The following MAP1A variants were observed in gnomAD, a reference collection of about 807,000 sequenced individuals.
The protein encoded by MAP1A is microtubule associated protein 1A, also known as microtubule-associated protein 1A.
MAP1A carries 42 observed loss-of-function variants against 185.9 expected under a neutral mutation model. The ratio of observed to expected loss-of-function variants is 0.23; its 90% CI spans 0.18 to 0.29. The LOEUF is 0.29. MAP1A is among the 10% of genes least tolerant of loss of function. MAP1A has a pLI of 1.00. For synonymous variants in MAP1A, 1,229 were observed against 1,335.9 expected (o/e 0.92, Z 1.74); for missense variants, 2,995 against 3,450.4 (o/e 0.87, Z 3.31).
In MAP1A at chr15:43,523,202, C is replaced by T. The variant is rs2079327091; in HGVS notation, c.1729C>T (p.Pro577Ser). 1.2e-6 allele frequency: 2 copies of T among 1,614,130 alleles called. No homozygotes were observed. The highest frequency in any genetic ancestry group is 1.7e-6 in the Non-Finnish European group (2 of 1,180,016). Residue 577 changes from proline (P) to serine (S), a missense_variant, in exon 4 of 6, where the codon CCA becomes TCA. By Grantham distance (74) the Pro-to-Ser change is moderately conservative (BLOSUM62 -1). Transcript: ENST00000300231. The stretch of plus-strand genomic sequence containing the variant: ...CCCAAGTACAGCTATCCAGGGAACA[C>T]CACCCTCTGTTCCAGGGCTGGGACA... Reference protein sequence around the residue: ...GPPSTAIQGTPPSVPGLGQEE... With the variant: ...GPPSTAIQGTSPSVPGLGQEE...
chr15:43,520,657 C>T lies in MAP1A; in HGVS notation c.-358C>T. 6.5e-7 allele frequency: 1 copy of T among 1,548,188 alleles called. No individual in the cohort carries two copies. The highest frequency in any genetic ancestry group is 2.4e-5 in the East Asian group (1 of 40,906). On this transcript the variant is annotated 5_prime_UTR_variant, in exon 2 of 6. Coordinates refer to ENST00000300231, the MANE Select transcript of MAP1A (RefSeq NM_002373.6). ...CTCCCTCAGGCCAGAGGACCCTTTG[C>T]CACCAGAGTGAGATCCTAGAGACCA...
At position 43,527,606 on chromosome 15, in the gene MAP1A, C is replaced by A. The variant is rs751094290; in HGVS notation, c.6133C>A (p.Pro2045Thr). 2.5e-6 allele frequency: 4 copies of A among 1,614,098 alleles called. No individual in the cohort carries two copies. Among genetic ancestry groups the A allele is most frequent in the Non-Finnish European group, 3.4e-6 (4 of 1,180,002 alleles). Residue 2045 changes from proline (P) to threonine (T), a missense_variant, in exon 4 of 6, where the codon CCA (proline) becomes ACA (threonine). This residue lies in a region of MAP1A where 2,728 missense variants were observed against 2,986.0 expected (regional missense o/e 0.91). Coordinates refer to ENST00000300231, the MANE Select transcript of MAP1A (RefSeq NM_002373.6). Reference protein sequence around the residue: ...YAALAGPTVPPRPEPGPSMEP... With the variant: ...YAALAGPTVPTRPEPGPSMEP... ...AGCCCTGGCAGGACCCACTGTACCC[C>A]CAAGGCCAGAGCCAGGGCCAAGTAT...
chr15:43,516,722 AATCACCC>A (rs1354136550), upstream of MAP1A, among the ~76,000 whole-genome samples: 1 of 152,234 alleles, frequency 6.6e-6, no homozygotes, highest in African/African-American at 2.4e-5. Flanking sequence ...GCAAGAACCC[AATCACCC>A]TACAAAGTCA....
chr15:43,514,052 G>A (rs545856041), upstream of MAP1A, among the ~76,000 whole-genome samples: 8 of 152,178 alleles, frequency 5.3e-5, no homozygotes, highest in Admixed American at 5.2e-4. Flanking sequence ...AAGATGCAGC[G>A]ATACTTGGGA....
At position 43,528,749 on chromosome 15, in the gene MAP1A, G is replaced by A. The variant is rs1367172575; in HGVS notation, c.7276G>A (p.Ala2426Thr). 6.2e-7 allele frequency: 1 copy of A among 1,613,336 alleles called. No homozygotes were observed. ...AGGSGGPPSS[A>T]SPEVEAGPQG... The stretch of plus-strand genomic sequence containing the variant: ...GGGCTCCGGGGGCCCACCCAGCAGT[G>A]CCTCTCCTGAGGTCGAAGCTGGGCC... Residue 2426 changes from alanine (A) to threonine (T), a missense_variant, in exon 4 of 6, where the codon GCC (alanine) becomes ACC (threonine). Ala to Thr is a moderately conservative substitution (Grantham distance 58). Transcript: ENST00000300231.
At position 43,521,851 on chromosome 15, in the gene MAP1A, C is replaced by T. The variant is rs759682578; in HGVS notation, c.378C>T (p.Asn126=). The T allele has an allele frequency of 1.2e-6, 2 of 1,614,100 alleles. No homozygotes were observed. Among genetic ancestry groups the T allele is most frequent in the African/African-American group, 1.3e-5 (1 of 74,934 alleles). Residue 126 remains asparagine, a synonymous_variant, in exon 4 of 6, where the codon AAC becomes AAT. Transcript: ENST00000300231. The surrounding 1 kb of genome is among the most constrained non-coding windows in gnomAD (Gnocchi z 4.6). ...GCAGTTACAGCGACTGGGTGAAGAACCTTATCTCTCCTGAGCTTGGAGTTG... is the reference window on the plus strand; with the variant it reads ...GCAGTTACAGCGACTGGGTGAAGAATCTTATCTCTCCTGAGCTTGGAGTTG... ...GSSSYSDWVK[N]LISPELGVVF...
chr15:43,511,082 C>A (rs907854483), exon 1 of MAP1A: 3 of 1,550,082 alleles, frequency 1.9e-6, no homozygotes, highest in Non-Finnish European at 2.6e-6. Flanking sequence ...ACCGCTGGCT[C>A]AGAACCCCGC....
At position 43,525,081 on chromosome 15, in the gene MAP1A, G is replaced by A. The variant is rs779734535; in HGVS notation, c.3608G>A (p.Ser1203Asn). 22 of 1,614,076 alleles carry A rather than the reference G, an allele frequency of 1.4e-5. No individual in the cohort carries two copies. Among genetic ancestry groups the A allele is most frequent in the South Asian group, 7.7e-5 (7 of 91,092 alleles). Residue 1203 changes from serine to asparagine, a missense_variant, in exon 4 of 6, where the codon AGT becomes AAT. Around this residue, in one of 3 missense-constraint regions of MAP1A, gnomAD observed 2,728 missense variants for 2,986.0 expected, o/e 0.91. Coordinates refer to ENST00000300231, the MANE Select transcript of MAP1A (RefSeq NM_002373.6). ...CAGTCACTTTCTCTGTCAGAAGAGAGTCCCAGCAAGGAGACCTCCCTGGAT... is the reference window on the plus strand; with the variant it reads ...CAGTCACTTTCTCTGTCAGAAGAGAATCCCAGCAAGGAGACCTCCCTGGAT... The part of the protein sequence containing the change: ...DTQSLSLSEE[S>N]PSKETSLDVS...
chr15:43,519,096 G>A (rs2079310040), intron 1 of MAP1A, among the ~76,000 whole-genome samples: 1 of 152,144 alleles, frequency 6.6e-6, no homozygotes, highest in Admixed American at 6.5e-5. Flanking sequence ...TTATTTGTGT[G>A]GAGGGAGCTC....
rs370367603 is a variant in MAP1A, at chr15:43,527,563, T to G, written c.6090T>G (p.Thr2030=). ...CACCCAAGAGCCTCCAGTCTGACAC[T>G]CCAACCTTCAGCTATGCAGCCCTGG... The part of the protein sequence containing the change: ...PISPKSLQSD[T]PTFSYAALAG... Residue 2030 remains threonine (T), a synonymous_variant, in exon 4 of 6, where the codon ACT becomes ACG. Coordinates refer to ENST00000300231, the MANE Select transcript of MAP1A (RefSeq NM_002373.6). 172 of 1,613,946 alleles carry G rather than the reference T, an allele frequency of 1.1e-4. 1 individual carries two copies. The African/African-American group carries it at 2.1e-3, about 20-fold the overall frequency.
chr15:43,522,600 A>T lies in MAP1A; in HGVS notation c.1127A>T (p.Lys376Met). ...GAGAAGCCCCCAGAGAAGCCTGCCA[A>T]GCCTGAGAGGGTGAAGACAGAGTCA... The part of the protein sequence containing the change: ...SSEKPPEKPA[K>M]PERVKTESSE... The change falls in exon 4 of 6, where the codon AAG (lysine) becomes ATG (methionine). Residue 376 changes from lysine to methionine, a missense_variant. Around this residue, in one of 3 missense-constraint regions of MAP1A, gnomAD observed 2,728 missense variants for 2,986.0 expected, o/e 0.91. Coordinates refer to ENST00000300231, the MANE Select transcript of MAP1A (RefSeq NM_002373.6). The surrounding 1 kb of genome is among the most constrained non-coding windows in gnomAD (Gnocchi z 5.9). 6.2e-7 allele frequency: 1 copy of T among 1,612,800 alleles called. No homozygotes were observed. The highest frequency in any genetic ancestry group is 8.5e-7 in the Non-Finnish European group (1 of 1,179,356).
chr15:43,511,332 A>G (rs1435277229), intron 1 of MAP1A: 5 of 851,638 alleles, frequency 5.9e-6, no homozygotes, highest in African/African-American at 5.1e-5. Context: ...CCTAGTGTGC[A>G]CTTCCTGAGA....
rs1304069373 is a variant in MAP1A, at chr15:43,524,709, T to C, written c.3236T>C (p.Ile1079Thr). 1.2e-6 allele frequency: 2 copies of C among 1,614,060 alleles called. No homozygotes were observed. The highest frequency in any genetic ancestry group is 1.7e-6 in the Non-Finnish European group (2 of 1,179,976). ...CAGGCCCAGGAAGCACCTGTCAACA[T>C]TGATGAGGGGCTTACAGGCTGTACC... ...SPQAQEAPVN[I>T]DEGLTGCTIQ... Residue 1079 changes from isoleucine (I) to threonine (T), a missense_variant, in exon 4 of 6, where the codon ATT becomes ACT. Physicochemically the swap from Ile to Thr is moderately conservative, Grantham distance 89. This residue lies in a region of MAP1A where 2,728 missense variants were observed against 2,986.0 expected (regional missense o/e 0.91). Transcript: ENST00000300231.
chr15:43,512,155 C>A (rs1333354001), intron 1 of MAP1A: 2 of 1,309,486 alleles, frequency 1.5e-6, no homozygotes, highest in Admixed American at 3.9e-5. Context: ...CAACCTGCAA[C>A]CTTATCCAGA....
chr15:43,528,644 G>A lies in MAP1A; in HGVS notation c.7171G>A (p.Gly2391Arg). The A allele has an allele frequency of 6.2e-7, 1 of 1,613,352 alleles. No homozygotes were observed. The highest frequency in any genetic ancestry group is 8.5e-7 in the Non-Finnish European group (1 of 1,179,858). The change falls in exon 4 of 6, where the codon GGG becomes AGG. Residue 2391 changes from glycine to arginine, a missense_variant. By Grantham distance (125) the Gly-to-Arg change is moderately radical (BLOSUM62 -2). Transcript: ENST00000300231. ...EAAACPAWER[G>R]AWPEGAERSS... is the part of the protein sequence containing the mutation. Reference sequence around the variant, plus strand: ...TGCGGCTTGCCCTGCCTGGGAACGTGGGGCCTGGCCTGAAGGAGCTGAGAG... The same window carrying A: ...TGCGGCTTGCCCTGCCTGGGAACGTAGGGCCTGGCCTGAAGGAGCTGAGAG...
Position 43,530,953 on chromosome 15 carries a change from C to T in MAP1A, c.*729C>T, listed in dbSNP as rs1416350514. On this transcript the variant is annotated 3_prime_UTR_variant, in exon 6 of 6. Coordinates refer to ENST00000300231, the MANE Select transcript of MAP1A (RefSeq NM_002373.6). ...AAAACGGCAAGGAGAGCCCAAGCCC[C>T]AATGCCAGAATTCTTCCAAACTCCC... The T allele has an allele frequency of 6.5e-6, 1 of 152,804 alleles. No individual in the cohort carries two copies. The highest frequency in any genetic ancestry group is 1.5e-5 in the Non-Finnish European group (1 of 68,182). The allele number at this position is 152,804 out of a possible 1,614,324, so 9.5% of individuals were successfully genotyped here.
At chr15:43,518,004 T>A (rs2079304613) in intron 1 of MAP1A, among the ~76,000 whole-genome samples, 1 of 152,044 alleles carries the variant, frequency 6.6e-6, no homozygotes, top group Admixed American at 6.5e-5. Flanking sequence ...CAGCCCAGGA[T>A]GCTGGAGGAG....
Position 43,528,911 on chromosome 15 carries a change from C to T in MAP1A, c.7438C>T (p.Arg2480Cys), listed in dbSNP as rs755018111. 1.5e-5 allele frequency: 24 copies of T among 1,612,748 alleles called. No homozygotes were observed. The highest frequency in any genetic ancestry group is 6.6e-5 in the South Asian group (6 of 91,080). Residue 2480 changes from arginine (R) to cysteine (C), a missense_variant, in exon 4 of 6, where the codon CGC (arginine) becomes TGC (cysteine). By Grantham distance (180) the Arg-to-Cys change is radical (BLOSUM62 -3). Coordinates refer to ENST00000300231, the MANE Select transcript of MAP1A (RefSeq NM_002373.6). Reference sequence around the variant, plus strand: ...TCGGCTAGTAGGAAGAGGGGGGCGGCGCCGGGTAGGGGGGCCAGGGACCAC... The same window carrying T: ...TCGGCTAGTAGGAAGAGGGGGGCGGTGCCGGGTAGGGGGGCCAGGGACCAC... ...EVRLVGRGGR[R>C]RVGGPGTTGG...
At chr15:43,511,054 G>T (rs1301001818) in exon 1 of MAP1A, 1 of 1,549,178 alleles carries the variant, frequency 6.5e-7, no homozygotes, top group Non-Finnish European at 8.7e-7. Context: ...CGGGGCTGGG[G>T]CTCCGAAGTC....
Sources: allele counts gnomAD v4.1 joint callset (sites outside exome capture counted in the v4.1 genomes callset), GRCh38; gene constraint gnomAD v4.1.1; regional missense constraint gnomAD v4.1.1; non-coding constraint Gnocchi (gnomAD v3.1); transcripts MANE v1.5; gene names NCBI Gene and HGNC (gene_info 2026-07-23, HGNC 2026-07-21).